DMGDH: variants seen among roughly 807,000 people sequenced by gnomAD.
DMGDH encodes the protein dimethylglycine dehydrogenase, mitochondrial.
In DMGDH, 76 loss-of-function variants were observed where a neutral mutation model predicts 95.2. The observed-to-expected ratio is 0.80, with a 90% CI of 0.66 to 0.97. The LOEUF is 0.97. Ranked by LOEUF, DMGDH falls within the 50% of genes least tolerant of loss-of-function variation. DMGDH has a pLI of 0.00. For synonymous variants in DMGDH, 345 were observed against 377.6 expected (o/e 0.91, Z 1.00); for missense variants, 987 against 1,055.0 (o/e 0.94, Z 0.89).
At chr5:79,030,549 G>A in intron 10 of DMGDH, 1 of 333,122 alleles carries the variant, frequency 3.0e-6, no homozygotes. Context: ...GGGAAACTGA[G>A]GCAGGAGAAT....
chr5:79,014,760 A>G (rs556613870), intron 14 of DMGDH, among the ~76,000 whole-genome samples: 1 of 152,186 alleles, frequency 6.6e-6, no homozygotes, highest in Non-Finnish European at 1.5e-5. Context: ...CATTTTACAG[A>G]TGAGAAAACT....
intron 1 of DMGDH, among the ~76,000 whole-genome samples, chr5:79,064,900 C>A (rs908026058): frequency 3.9e-5 from 6 of 152,144 alleles, no homozygotes; most frequent in Admixed American, 3.9e-4. Flanking sequence ...CAGGTGTGCA[C>A]CACCACACCC....
chr5:79,032,605 G>A, intron 9 of DMGDH, 82 bp downstream of exon 9: 1 of 1,574,362 alleles, frequency 6.4e-7, no homozygotes, highest in South Asian at 1.1e-5. Flanking sequence ...GCAATGGAGT[G>A]TAAGGCAGAA....
intron 1 of DMGDH, 121 bp from the exon 2 acceptor site, chr5:79,063,908 G>C: frequency 1.9e-6 from 2 of 1,062,528 alleles, no homozygotes; most frequent in Non-Finnish European, 1.4e-6. Flanking sequence ...AGATTTGCAT[G>C]ATACTGATTT....
chr5:79,026,390 A>T (rs145808801), intron 13 of DMGDH, 34 bp downstream of exon 13: 1 of 1,613,818 alleles, frequency 6.2e-7, no homozygotes, highest in East Asian at 2.2e-5. Flanking sequence ...ATAAATAAAC[A>T]TAAAATGTTA....
intron 14 of DMGDH, among the ~76,000 whole-genome samples, chr5:79,015,242 T>G (rs1753709127): frequency 1.3e-5 from 2 of 152,206 alleles, no homozygotes; most frequent in South Asian, 4.1e-4. Context: ...TCATGTGGTA[T>G]CCACCCTTCC....
intron 14 of DMGDH, among the ~76,000 whole-genome samples, chr5:79,007,610 T>C (rs143520437): frequency 5.8e-4 from 89 of 152,342 alleles, no homozygotes; most frequent in African/African-American, 1.7e-3. Flanking sequence ...AAAAATTTTA[T>C]GCTTTATTGT....
chr5:79,057,448 C>T (rs1457411358), intron 2 of DMGDH, among the ~76,000 whole-genome samples: 1 of 152,104 alleles, frequency 6.6e-6, no homozygotes, highest in Non-Finnish European at 1.5e-5. Context: ...GTTTGTCAAT[C>T]ATCCTTTATA....
intron 15 of DMGDH, 41 bp from the exon 16 acceptor site, chr5:78,998,338 AGCTCTGT>A: frequency 6.4e-7 from 1 of 1,573,752 alleles, no homozygotes; most frequent in Non-Finnish European, 8.7e-7. Flanking sequence ...TCTTGGTCAC[AGCTCTGT>A]GCTCCTCATC....
At chr5:79,059,238 G>T (rs889802468) in intron 2 of DMGDH, among the ~76,000 whole-genome samples, 7 of 152,176 alleles carry the variant, frequency 4.6e-5, no homozygotes, top group Non-Finnish European at 8.8e-5. Flanking sequence ...AAATATCTGT[G>T]CTACCTTAAC....
chr5:79,008,653 C>A (rs1344163313), intron 14 of DMGDH, among the ~76,000 whole-genome samples: 2 of 152,052 alleles, frequency 1.3e-5, no homozygotes, highest in African/African-American at 4.8e-5. Context: ...GAGACTAACT[C>A]TACCTTTGTC....
chr5:79,014,347 A>C (rs1469082722), intron 14 of DMGDH, among the ~76,000 whole-genome samples: 1 of 152,214 alleles, frequency 6.6e-6, no homozygotes, highest in African/African-American at 2.4e-5. Flanking sequence ...ATTCAAAGGA[A>C]AACTGTGAAA....
chr5:79,001,204 C>T (rs911831231), intron 15 of DMGDH: 9 of 379,378 alleles, frequency 2.4e-5, no homozygotes, highest in African/African-American at 1.3e-4. Context: ...GCTCTGTTGC[C>T]CCAGCTGGAG....
At chr5:79,052,389 C>T (rs1754894511) in intron 4 of DMGDH, among the ~76,000 whole-genome samples, 1 of 152,172 alleles carries the variant, frequency 6.6e-6, no homozygotes, top group Non-Finnish European at 1.5e-5. Flanking sequence ...TAAGTCTTCT[C>T]TACATATCTG....
At chr5:79,036,406 A>C (rs1316529627) in intron 7 of DMGDH, among the ~76,000 whole-genome samples, 1 of 152,194 alleles carries the variant, frequency 6.6e-6, no homozygotes, top group African/African-American at 2.4e-5. Flanking sequence ...AACTCTGTTA[A>C]ATGACTGGAT....
intron 13 of DMGDH, among the ~76,000 whole-genome samples, chr5:79,025,769 T>TC (rs1475559836): frequency 6.6e-6 from 1 of 152,136 alleles, no homozygotes; most frequent in Non-Finnish European, 1.5e-5. Flanking sequence ...AGTGACTGGG[T>TC]CCAGGGATAG....
At chr5:79,052,661 A>G (rs1754904201) in intron 4 of DMGDH, among the ~76,000 whole-genome samples, 1 of 152,190 alleles carries the variant, frequency 6.6e-6, no homozygotes, top group Non-Finnish European at 1.5e-5. Context: ...CCATTGCTTA[A>G]TGAATGCCCT....
At chr5:79,029,756 G>T in intron 11 of DMGDH, 148 bp downstream of exon 11, 3 of 847,896 alleles carry the variant, frequency 3.5e-6, no homozygotes, top group Non-Finnish European at 5.4e-6. Flanking sequence ...AAATATTTTT[G>T]TATTAAAAAA....
chr5:79,021,468 G>A, intron 14 of DMGDH: 1 of 1,231,282 alleles, frequency 8.1e-7, no homozygotes, highest in Non-Finnish European at 1.0e-6. Flanking sequence ...CAACAGCAGG[G>A]GAAGGAGGCT....
Sources: allele counts gnomAD v4.1 joint callset (sites outside exome capture counted in the v4.1 genomes callset), GRCh38; gene constraint gnomAD v4.1.1; transcripts MANE v1.5; gene names NCBI Gene and HGNC (gene_info 2026-07-23, HGNC 2026-07-21).